The following ACTR3 variants were observed in gnomAD, a reference collection of about 807,000 sequenced individuals.
ACTR3 encodes actin related protein 3, also known as actin-related protein 3.
A neutral mutation model predicts 56.8 loss-of-function variants in ACTR3; 12 were observed. That is an observed-to-expected ratio of 0.21 (90% CI 0.14 to 0.34). The LOEUF is 0.34. Among genes scored for constraint, ACTR3 ranks in the 10% least tolerant of loss-of-function variants. ACTR3 has a pLI of 1.00. For synonymous variants in ACTR3, 162 were observed against 167.4 expected, an observed-to-expected ratio of 0.97 and a Z score of 0.25; for missense variants, 282 against 512.5, an observed-to-expected ratio of 0.55 and a Z score of 4.34.
intron 5 of ACTR3, among the ~76,000 whole-genome samples, chr2:113,933,468 A>G (rs1679760674): frequency 2.0e-5 from 3 of 152,134 alleles, no homozygotes. Context: ...AGATCGTGCC[A>G]CTGCATTCCA....
chr2:113,923,929 T>C (rs144125228), intron 3 of ACTR3, among the ~76,000 whole-genome samples: 1 of 152,236 alleles, frequency 6.6e-6, no homozygotes, highest in Non-Finnish European at 1.5e-5. Flanking sequence ...CAAAACGTAT[T>C]ATATATACTC....
At chr2:113,896,507 G>A (rs1036957692) in intron 1 of ACTR3, among the ~76,000 whole-genome samples, 17 of 152,142 alleles carry the variant, frequency 1.1e-4, no homozygotes, top group African/African-American at 4.1e-4. Context: ...GGACAATAAG[G>A]GAGTTAGTTT....
chr2:113,897,372 T>A (rs1679026537), intron 1 of ACTR3, among the ~76,000 whole-genome samples: 1 of 152,114 alleles, frequency 6.6e-6, no homozygotes, highest in Non-Finnish European at 1.5e-5. Context: ...CTAGTTTTTT[T>A]AAAGGACGAT....
chr2:113,894,926 G>T (rs543632394), intron 1 of ACTR3, among the ~76,000 whole-genome samples: 1 of 152,044 alleles, frequency 6.6e-6, no homozygotes, highest in African/African-American at 2.4e-5. Flanking sequence ...AACTTTATGT[G>T]TTGCTTCATT....
intron 1 of ACTR3, among the ~76,000 whole-genome samples, chr2:113,891,020 G>A (rs906091928): frequency 6.6e-6 from 1 of 152,156 alleles, no homozygotes; most frequent in African/African-American, 2.4e-5. Context: ...GTCCCCCAGT[G>A]AGCAAGCGCG....
Position 113,890,271 on chromosome 2 carries a change from A to C in ACTR3, c.-9A>C, listed in dbSNP as rs1559448702. Reference sequence around the variant, plus strand: ...ACGGCGGCAGCAGCAGCAGCAGGCGAGGAGGAAGATGGCGGGACGGCTGCC... The same window carrying C: ...ACGGCGGCAGCAGCAGCAGCAGGCGCGGAGGAAGATGGCGGGACGGCTGCC... On this transcript the variant is annotated 5_prime_UTR_variant, in exon 1 of 12. Coordinates refer to ENST00000263238, the MANE Select transcript of ACTR3 (RefSeq NM_005721.5). 7.5e-7 allele frequency: 1 copy of C among 1,335,560 alleles called. No individual in the cohort carries two copies. Among genetic ancestry groups the C allele is most frequent in the Admixed American group, 2.3e-5 (1 of 42,910 alleles). 82.7% of individuals were successfully genotyped at this position (1,335,560 alleles called of 1,614,324 possible).
At chr2:113,934,520 A>G (rs993919112) in intron 6 of ACTR3, 134 bp downstream of exon 6, 5 of 526,894 alleles carry the variant, frequency 9.5e-6, no homozygotes, top group African/African-American at 3.9e-5. Flanking sequence ...AGTTATAGCT[A>G]TGTTTTGCTC....
At position 113,911,437 on chromosome 2, in the gene ACTR3, T is replaced by G. The variant is rs1338408991; in HGVS notation, c.45-1735T>G. On this transcript the variant is annotated intron_variant, in intron 1 of 11. Coordinates refer to ENST00000263238, the MANE Select transcript of ACTR3 (RefSeq NM_005721.5). ...TGGCACACTTTTTTTTTTTTTTTTT[T>G]GAGACGAAGTCTTGCTTTATCACCC... is the stretch of plus-strand genomic sequence containing the variant. Among the ~76,000 whole-genome samples the G allele has an allele frequency of 9.6e-4, 144 of 150,146 alleles. 2 individuals are homozygous for G. The highest frequency in any genetic ancestry group is 3.4e-3 in the African/African-American group (138 of 40,722).
chr2:113,940,047 A>G lies in ACTR3; in HGVS notation c.629A>G (p.Asp210Gly). ...TATTTTATTCAGCAACTGCTGAGAG[A>G]CCGAGAAGTAGGAATCCCTCCAGAA... ...ITYFIQQLLRDREVGIPPEQS... is the reference protein window; with the variant it reads ...ITYFIQQLLRGREVGIPPEQS... The change falls in exon 7 of 12, where the codon GAC becomes GGC. Residue 210 changes from aspartate (D) to glycine (G), a missense_variant. Coordinates refer to ENST00000263238, the MANE Select transcript of ACTR3 (RefSeq NM_005721.5). 6.2e-7 allele frequency: 1 copy of G among 1,613,608 alleles called. No homozygotes were observed. The highest frequency in any genetic ancestry group is 8.5e-7 in the Non-Finnish European group (1 of 1,179,738).
In ACTR3 at chr2:113,955,619, T is replaced by G. The variant is rs1383538899; in HGVS notation, c.1078-4T>G. 1 of 1,607,186 alleles carries G rather than the reference T, an allele frequency of 6.2e-7. No homozygotes were observed. Among genetic ancestry groups the G allele is most frequent in the Admixed American group, 1.7e-5 (1 of 59,450 alleles). ...GAAGATGATCATACTATGTCTTTCTTTAGCCAAAACCTATTGATGTACAAG... is the reference window on the plus strand; with the variant it reads ...GAAGATGATCATACTATGTCTTTCTGTAGCCAAAACCTATTGATGTACAAG... On this transcript the variant is annotated splice_polypyrimidine_tract_variant and splice_region_variant and intron_variant, in intron 10 of 11. Coordinates refer to ENST00000263238, the MANE Select transcript of ACTR3 (RefSeq NM_005721.5).
chr2:113,954,758 C>G (rs1156468140), intron 10 of ACTR3: 1 of 151,374 alleles, frequency 6.6e-6, no homozygotes, highest in Non-Finnish European at 1.5e-5. Context: ...CTTTTTTTCT[C>G]CTTTTCTTTC....
At chr2:113,928,974 C>T (rs1335044890) in intron 4 of ACTR3, among the ~76,000 whole-genome samples, 7 of 152,090 alleles carry the variant, frequency 4.6e-5, no homozygotes, top group African/African-American at 7.2e-5. Flanking sequence ...GCAATATGTG[C>T]ATTTTGGTGA....
chr2:113,940,131 GTTAAAAA>G (rs750549206), intron 7 of ACTR3, 29 bp downstream of exon 7: 1 of 1,577,000 alleles, frequency 6.3e-7, no homozygotes, highest in East Asian at 2.3e-5. Flanking sequence ...GTGTAATTTA[GTTAAAAA>G]TTAAAATCAC....
intron 2 of ACTR3, 131 bp from the exon 3 acceptor site, chr2:113,916,753 A>G: frequency 3.0e-6 from 2 of 674,368 alleles, no homozygotes; most frequent in East Asian, 6.8e-5. Context: ...ACTTTTGTGA[A>G]TTAGTTTGAC....
At position 113,890,112 on chromosome 2, in the gene ACTR3, C is replaced by T; in HGVS notation, c.-168C>T. 2 of 788,178 alleles carry T rather than the reference C, an allele frequency of 2.5e-6. No homozygotes were observed. The highest frequency in any genetic ancestry group is 4.1e-6 in the Non-Finnish European group (2 of 489,892). The allele number at this position is 788,178 out of a possible 1,614,324, so 48.8% of individuals were successfully genotyped here. A position where few individuals can be genotyped will look rare whatever the true frequency, so the allele number is the denominator to read the frequency against. On this transcript the variant is annotated 5_prime_UTR_variant, in exon 1 of 12. Transcript: ENST00000263238. ...GGGTTGCGGAAGTGATAGCCGCCGA[C>T]CGAGCCTGCTGCTTTCTTGCTACTG...
At chr2:113,953,864 T>A (rs1680164638) in intron 10 of ACTR3, 1 of 152,226 alleles carries the variant, frequency 6.6e-6, no homozygotes, top group African/African-American at 2.4e-5. Flanking sequence ...TAATGTCCCT[T>A]ATAACAAAAG....
chr2:113,890,385 G>A, intron 1 of ACTR3, 62 bp downstream of exon 1: 3 of 1,419,960 alleles, frequency 2.1e-6, no homozygotes, highest in Non-Finnish European at 9.5e-7. Flanking sequence ...TGGCGGGGGA[G>A]GGAGGAGGCC....
intron 8 of ACTR3, 85 bp from the exon 9 acceptor site, chr2:113,951,394 T>C: frequency 1.1e-6 from 1 of 907,894 alleles, no homozygotes; most frequent in East Asian, 2.6e-5. Flanking sequence ...CTTTTGTTTT[T>C]GAACTGAAAA....
intron 10 of ACTR3, 136 bp from the exon 11 acceptor site, chr2:113,955,487 A>G (rs1680192792): frequency 8.1e-6 from 5 of 617,566 alleles, no homozygotes; most frequent in Middle Eastern, 2.8e-4. Context: ...AGCCAATCTC[A>G]ATTGTTTCTG....
Sources: gnomAD v4.1 joint callset for allele counts (sites outside exome capture counted in the v4.1 genomes callset) on GRCh38, gnomAD v4.1.1 for gene constraint, MANE v1.5 for transcripts, NCBI Gene and HGNC (gene_info 2026-07-23, HGNC 2026-07-21) for gene names.